Variants in CSGALNACT2 observed in about 807,000 individuals in gnomAD.
CSGALNACT2 encodes chondroitin sulfate N-acetylgalactosaminyltransferase 2.
Under a neutral mutation model 55.3 loss-of-function variants are expected in CSGALNACT2, and 35 were observed. That is an observed-to-expected ratio of 0.63 (90% CI 0.48 to 0.84). The LOEUF (loss-of-function observed/expected upper bound fraction) is 0.84, where lower values mean the gene tolerates loss of function less well. CSGALNACT2 is among the 40% of genes least tolerant of loss of function. CSGALNACT2 has a pLI of 0.00. For synonymous variants in CSGALNACT2, 196 were observed against 224.9 expected (o/e 0.87, Z 1.15); for missense variants, 544 against 657.5 (o/e 0.83, Z 1.89).
intron 1 of CSGALNACT2, among the ~76,000 whole-genome samples, chr10:43,139,924 G>C (rs1457970502): frequency 6.6e-6 from 1 of 152,232 alleles, no homozygotes; most frequent in Non-Finnish European, 1.5e-5. Flanking sequence ...GGCCTGGCGT[G>C]GTGGCTCAGG....
intron 1 of CSGALNACT2, among the ~76,000 whole-genome samples, chr10:43,142,204 G>GTTTA (rs375302347): frequency 0.044 from 6,649 of 151,518 alleles, 173 homozygotes; most frequent in South Asian, 0.088. Context: ...TTATTTATTT[G>GTTTA]TTTATTTATT....
At chr10:43,147,782 C>CTTTTTTT (rs372639057) in intron 1 of CSGALNACT2, among the ~76,000 whole-genome samples, 10 of 108,112 alleles carry the variant, frequency 9.2e-5, no homozygotes, top group East Asian at 3.2e-4. Context: ...GTCGAGTTAT[C>CTTTTTTT]TTTTTTTTTT....
intron 5 of CSGALNACT2, among the ~76,000 whole-genome samples, chr10:43,166,380 C>CA (rs972433011): frequency 6.6e-6 from 1 of 152,142 alleles, no homozygotes; most frequent in African/African-American, 2.4e-5. Context: ...CCAGCCATAG[C>CA]AAGGGTTGCG....
chr10:43,143,635 T>TA lies in CSGALNACT2; in HGVS notation c.-254+5069dup, dbSNP rs1838681384. Among the ~76,000 whole-genome samples the TA allele has an allele frequency of 2.0e-5, 3 of 152,186 alleles. No homozygotes were observed. In the South Asian group the frequency reaches 6.2e-4, roughly 32 times the overall value. On this transcript the variant is annotated intron_variant, in intron 1 of 7. Transcript: ENST00000374466. The stretch of plus-strand genomic sequence containing the variant: ...GAGGAGGCCCTGAGAGGTGAAGTGT[T>TA]ATGCCCAAGATTACATAGCTATTAA...
chr10:43,174,984 A>G (rs1173191047), intron 6 of CSGALNACT2, among the ~76,000 whole-genome samples: 1 of 152,222 alleles, frequency 6.6e-6, no homozygotes, highest in Non-Finnish European at 1.5e-5. Context: ...CCCTGGTTTT[A>G]TATTTCTTTC....
chr10:43,171,772 A>G (rs931229566), intron 6 of CSGALNACT2, among the ~76,000 whole-genome samples: 1 of 152,224 alleles, frequency 6.6e-6, no homozygotes, highest in Non-Finnish European at 1.5e-5. Context: ...TAGTTTCACC[A>G]CTTGTAACCT....
chr10:43,170,197 A>G lies in CSGALNACT2; in HGVS notation c.1254+3099A>G, dbSNP rs1293953957. Among the ~76,000 whole-genome samples the G allele has an allele frequency of 5.3e-5, 8 of 152,218 alleles. No homozygotes were observed. In the East Asian group the frequency reaches 1.5e-3, roughly 29 times the overall value. The stretch of plus-strand genomic sequence containing the variant: ...AGCGGGTTATGTACATGGTATACTT[A>G]TGTGTATTACCTAGCTGTCAGCTGA... On this transcript the variant is annotated intron_variant, in intron 6 of 7. Transcript: ENST00000374466.
chr10:43,147,782 C>CT (rs372639057), intron 1 of CSGALNACT2, among the ~76,000 whole-genome samples: 26,179 of 107,708 alleles, frequency 0.24, 2,807 homozygotes, highest in Non-Finnish European at 0.3. Flanking sequence ...GTCGAGTTAT[C>CT]TTTTTTTTTT....
At chr10:43,147,854 G>A (rs979834527) in intron 1 of CSGALNACT2, among the ~76,000 whole-genome samples, 9 of 149,218 alleles carry the variant, frequency 6.0e-5, no homozygotes, top group Non-Finnish European at 1.0e-4. Context: ...TAATTGTATG[G>A]GTTATTTCTT....
chr10:43,152,045 A>G (rs1364444940), intron 1 of CSGALNACT2, among the ~76,000 whole-genome samples: 2 of 152,176 alleles, frequency 1.3e-5, no homozygotes, highest in Non-Finnish European at 2.9e-5. Flanking sequence ...GTTAGAATTG[A>G]TGGCTTGTAA....
At chr10:43,167,623 T>G (rs1347073814) in intron 6 of CSGALNACT2, among the ~76,000 whole-genome samples, 3 of 152,128 alleles carry the variant, frequency 2.0e-5, no homozygotes, top group Admixed American at 6.5e-5. Context: ...GTTGCAAAGA[T>G]AGTACAAAGA....
chr10:43,173,266 G>A (rs568385126), intron 6 of CSGALNACT2, among the ~76,000 whole-genome samples: 1 of 152,350 alleles, frequency 6.6e-6, no homozygotes, highest in South Asian at 2.1e-4. Flanking sequence ...GGAGAGCAGA[G>A]ATTGGGATTC....
At chr10:43,163,562 T>C (rs1453573094) in intron 4 of CSGALNACT2, 8 of 985,316 alleles carry the variant, frequency 8.1e-6, no homozygotes, top group Non-Finnish European at 7.2e-6. Context: ...ACATTACAGC[T>C]ATTTTTCCAT....
intron 4 of CSGALNACT2, among the ~76,000 whole-genome samples, chr10:43,160,948 CCTT>C (rs1839134226): frequency 6.6e-6 from 1 of 152,092 alleles, no homozygotes; most frequent in South Asian, 2.1e-4. Context: ...TCCTCAGGCT[CCTT>C]CTTCTCCCCC....
intron 1 of CSGALNACT2, among the ~76,000 whole-genome samples, chr10:43,153,070 C>T (rs921878995): frequency 4.6e-5 from 7 of 152,068 alleles, no homozygotes; most frequent in Non-Finnish European, 1.0e-4. Context: ...TAGTAAAAGA[C>T]TCCCTTGGCC....
chr10:43,160,687 CTAT>C, intron 4 of CSGALNACT2, 92 bp downstream of exon 4: 1 of 690,932 alleles, frequency 1.4e-6, no homozygotes, highest in Admixed American at 2.6e-5. Flanking sequence ...TTTTTAGTAA[CTAT>C]TATTTAAAAA....
At chr10:43,154,385 A>C (rs2080973214) in intron 1 of CSGALNACT2, among the ~76,000 whole-genome samples, 1 of 152,250 alleles carries the variant, frequency 6.6e-6, no homozygotes, top group African/African-American at 2.4e-5. Context: ...ATAGCTGTGT[A>C]GACATAATAG....
intron 4 of CSGALNACT2, chr10:43,162,734 G>A: frequency 1.0e-6 from 1 of 965,384 alleles, no homozygotes; most frequent in Non-Finnish European, 1.2e-6. Flanking sequence ...GAGTCACCAG[G>A]AGGACTTGTG....
At position 43,154,994 on chromosome 10, in the gene CSGALNACT2, G is replaced by T; in HGVS notation, c.-156G>T. 1.6e-6 allele frequency: 1 copy of T among 620,274 alleles called. No individual in the cohort carries two copies. Among genetic ancestry groups the T allele is most frequent in the Non-Finnish European group, 2.8e-6 (1 of 352,618 alleles). 38.4% of individuals were successfully genotyped at this position (620,274 alleles called of 1,614,324 possible). On this transcript the variant is annotated 5_prime_UTR_variant, in exon 2 of 8. Transcript: ENST00000374466. Reference sequence around the variant, plus strand: ...AAAGTATACATAATTTCCCATTTCTGCAAGTAGTCATGACTGCTGAAGAAA... The same window carrying T: ...AAAGTATACATAATTTCCCATTTCTTCAAGTAGTCATGACTGCTGAAGAAA...
Sources: gnomAD v4.1 joint callset for allele counts (sites outside exome capture counted in the v4.1 genomes callset) on GRCh38, gnomAD v4.1.1 for gene constraint, MANE v1.5 for transcripts, NCBI Gene and HGNC (gene_info 2026-07-23, HGNC 2026-07-21) for gene names.